The following ANKRD52 variants were observed in gnomAD, a reference collection of about 807,000 sequenced individuals.
ANKRD52 encodes serine/threonine-protein phosphatase 6 regulatory ankyrin repeat subunit C.
A neutral mutation model predicts 116.0 loss-of-function variants in ANKRD52; 7 were observed. That is an observed-to-expected ratio of 0.06 (90% CI 0.03 to 0.11). ANKRD52 has a LOEUF of 0.11. Among genes scored for constraint, ANKRD52 ranks in the 10% least tolerant of loss-of-function variants. The pLI, the probability that ANKRD52 is intolerant of heterozygous loss-of-function variation, is 1.00. For synonymous variants in ANKRD52, 528 were observed against 578.1 expected (o/e 0.91, Z 1.24); for missense variants, 839 against 1,408.6 (o/e 0.60, Z 6.47).
chr12:56,253,176 T>A lies in ANKRD52; in HGVS notation c.1101-90A>T. ...ACCTACCACCACCCTAGAGTCAGGG[T>A]AGGAGGTTCTCCAAGGTGCCCTTTG... is the stretch of plus-strand genomic sequence containing the variant. On this transcript the variant is annotated intron_variant, in intron 10 of 27. Coordinates refer to ENST00000267116, the MANE Select transcript of ANKRD52 (RefSeq NM_173595.4). The surrounding 1 kb of genome is among the most constrained non-coding windows in gnomAD (Gnocchi z 5.5). 6.9e-7 allele frequency: 1 copy of A among 1,447,834 alleles called. No homozygotes were observed. Among genetic ancestry groups the A allele is most frequent in the African/African-American group, 1.4e-5 (1 of 71,510 alleles). The allele number at this position is 1,447,834 out of a possible 1,614,324, so 89.7% of individuals were successfully genotyped here.
intron 2 of ANKRD52, among the ~76,000 whole-genome samples, chr12:56,257,586 G>C (rs1474612068): frequency 6.6e-6 from 1 of 152,134 alleles, no homozygotes; most frequent in Admixed American, 6.5e-5. Flanking sequence ...GGGTGGGGGC[G>C]CTGCAGACTC....
At chr12:56,256,290 C>T (rs1481518573) in intron 4 of ANKRD52, among the ~76,000 whole-genome samples, 2 of 149,474 alleles carry the variant, frequency 1.3e-5, no homozygotes, top group Non-Finnish European at 3.0e-5. Flanking sequence ...AACAAATCCA[C>T]ATGTGGAGAT....
In ANKRD52 at chr12:56,243,911, A is replaced by C. The variant is rs531447256; in HGVS notation, c.2889-35T>G. The C allele has an allele frequency of 6.3e-7, 1 of 1,588,202 alleles. No individual in the cohort carries two copies. The highest frequency in any genetic ancestry group is 8.6e-7 in the Non-Finnish European group (1 of 1,166,746). ...AAGGAAAAAGAAGGAGCTTGATGCT[A>C]AGCTGCCCTTCCACCTCCAGACAGG... On this transcript the variant is annotated intron_variant, in intron 26 of 27. Coordinates refer to ENST00000267116, the MANE Select transcript of ANKRD52 (RefSeq NM_173595.4). This position sits in a 1 kb window ranked among gnomAD's most constrained non-coding sequence, Gnocchi z 4.6.
In ANKRD52 at chr12:56,243,898, G is replaced by A; in HGVS notation, c.2889-22C>T. The A allele has an allele frequency of 1.3e-6, 2 of 1,576,478 alleles. No homozygotes were observed. The highest frequency in any genetic ancestry group is 1.7e-6 in the Non-Finnish European group (2 of 1,160,682). On this transcript the variant is annotated intron_variant, in intron 26 of 27. Coordinates refer to ENST00000267116, the MANE Select transcript of ANKRD52 (RefSeq NM_173595.4). The surrounding 1 kb of genome is among the most constrained non-coding windows in gnomAD (Gnocchi z 4.6). Reference sequence around the variant, plus strand: ...TGGCCTTGGAAAAAAGGAAAAAGAAGGAGCTTGATGCTAAGCTGCCCTTCC... The same window carrying A: ...TGGCCTTGGAAAAAAGGAAAAAGAAAGAGCTTGATGCTAAGCTGCCCTTCC...
rs1014789799 is a variant in ANKRD52 at position 56,253,305 on chromosome 12, A to G, written c.1083T>C (p.Asn361=). Residue 361 remains asparagine (N), a synonymous_variant, in exon 10 of 28, where the codon AAT becomes AAC. Coordinates refer to ENST00000267116, the MANE Select transcript of ANKRD52 (RefSeq NM_173595.4). The surrounding 1 kb of genome is among the most constrained non-coding windows in gnomAD (Gnocchi z 5.5). ...HELLISTLMT[N]GADTARRGIH... is the part of the protein sequence containing the mutation. ...TGACTCACCGGGCGGTATCTGCGCC[A>G]TTGGTCATGAGGGTGCTGATGAGCA... 1.2e-6 allele frequency: 2 copies of G among 1,613,760 alleles called. No homozygotes were observed. The highest frequency in any genetic ancestry group is 1.7e-4 in the Middle Eastern group (1 of 5,964).
Position 56,248,337 on chromosome 12 carries a change from C to G in ANKRD52, c.1777-113G>C. The G allele has an allele frequency of 6.9e-7, 1 of 1,445,128 alleles. No individual in the cohort carries two copies. The highest frequency in any genetic ancestry group is 2.3e-5 in the East Asian group (1 of 43,670). The allele number at this position is 1,445,128 out of a possible 1,614,324, so 89.5% of individuals were successfully genotyped here. A position where few individuals can be genotyped will look rare whatever the true frequency, so the allele number is the denominator to read the frequency against. Reference sequence around the variant, plus strand: ...GCTCAAGGTCTTAGTCCTTGACAAGCTCCTTGGGCCCCTTAAGGCTTCCTA... The same window carrying G: ...GCTCAAGGTCTTAGTCCTTGACAAGGTCCTTGGGCCCCTTAAGGCTTCCTA... On this transcript the variant is annotated intron_variant, in intron 17 of 27. Transcript: ENST00000267116. The surrounding 1 kb of genome is among the most constrained non-coding windows in gnomAD (Gnocchi z 5.1).
Position 56,252,707 on chromosome 12 carries a change from CA to C in ANKRD52, c.1301+72del. 9.6e-6 allele frequency: 15 copies of C among 1,555,802 alleles called. No homozygotes were observed. The highest frequency in any genetic ancestry group is 1.2e-5 in the Non-Finnish European group (14 of 1,130,860). Reference sequence around the variant, plus strand: ...TTGTGAGAGGGGGAATAGATCTGGGCAGGCAAGAATGAGGGGCCCAGACCTT... The same window carrying C: ...TTGTGAGAGGGGGAATAGATCTGGGCGGCAAGAATGAGGGGCCCAGACCTT... On this transcript the variant is annotated intron_variant, in intron 12 of 27. Transcript: ENST00000267116. This position sits in a 1 kb window ranked among gnomAD's most constrained non-coding sequence, Gnocchi z 4.7.
chr12:56,253,902 G>A lies in ANKRD52; in HGVS notation c.907-102C>T, dbSNP rs191393860. 190 of 1,397,294 alleles carry A rather than the reference G, an allele frequency of 1.4e-4. No individual in the cohort carries two copies. Among genetic ancestry groups the A allele is most frequent in the Non-Finnish European group, 1.8e-4 (183 of 998,910 alleles). 86.6% of individuals were successfully genotyped at this position (1,397,294 alleles called of 1,614,324 possible). A position where few individuals can be genotyped will look rare whatever the true frequency, so the allele number is the denominator to read the frequency against. ...AAGGACATATCTCTAAGGACAAAAGGGTCATATGGCACCTTCTTAGCCCAC... is the reference window on the plus strand; with the variant it reads ...AAGGACATATCTCTAAGGACAAAAGAGTCATATGGCACCTTCTTAGCCCAC... On this transcript the variant is annotated intron_variant, in intron 8 of 27. Transcript: ENST00000267116. The surrounding 1 kb of genome is among the most constrained non-coding windows in gnomAD (Gnocchi z 5.5).
At position 56,244,486 on chromosome 12, in the gene ANKRD52, C is replaced by T. The variant is rs1871304856; in HGVS notation, c.2723-51G>A. 1 of 1,603,502 alleles carries T rather than the reference C, an allele frequency of 6.2e-7. No individual in the cohort carries two copies. On this transcript the variant is annotated intron_variant, in intron 24 of 27. Transcript: ENST00000267116. The surrounding 1 kb of genome is among the most constrained non-coding windows in gnomAD (Gnocchi z 4.9). ...CTGACCCCTCCCTCCAGAGCAGTAG[C>T]CATCCTGGCTCTCCACTTTGCATCC...
chr12:56,255,992 G>A lies in ANKRD52; in HGVS notation c.262-8C>T. The A allele has an allele frequency of 6.4e-7, 1 of 1,557,382 alleles. No homozygotes were observed. Among genetic ancestry groups the A allele is most frequent in the South Asian group, 1.2e-5 (1 of 85,030 alleles). The stretch of plus-strand genomic sequence containing the variant: ...CAGCAGCCCCAGCACCTTCTGTTGA[G>A]GGGCAGGGGACAAAAGAGAGAGTGG... On this transcript the variant is annotated splice_region_variant and splice_polypyrimidine_tract_variant and intron_variant, in intron 4 of 27. Coordinates refer to ENST00000267116, the MANE Select transcript of ANKRD52 (RefSeq NM_173595.4). This position sits in a 1 kb window ranked among gnomAD's most constrained non-coding sequence, Gnocchi z 4.3.
In ANKRD52 at chr12:56,244,718, C is replaced by T. The variant is rs766786981; in HGVS notation, c.2656G>A (p.Ala886Thr). 1.2e-5 allele frequency: 20 copies of T among 1,613,900 alleles called. No individual in the cohort carries two copies. The highest frequency in any genetic ancestry group is 2.2e-5 in the East Asian group (1 of 44,886). Residue 886 changes from alanine (A) to threonine (T), a missense_variant, in exon 24 of 28, where the codon GCC becomes ACC. Coordinates refer to ENST00000267116, the MANE Select transcript of ANKRD52 (RefSeq NM_173595.4). The surrounding 1 kb of genome is among the most constrained non-coding windows in gnomAD (Gnocchi z 4.9). ...GCAGTGCGGCCAGTGTGGTCAGTGG[C>T]GTTCACCTCAGCTTGATGCTGCAGC... ...MLLQHQAEVN[A>T]TDHTGRTALM...
chr12:56,244,565 G>C lies in ANKRD52; in HGVS notation c.2722+87C>G, dbSNP rs1358481317. The C allele has an allele frequency of 1.9e-6, 3 of 1,601,268 alleles. No individual in the cohort carries two copies. The highest frequency in any genetic ancestry group is 2.6e-6 in the Non-Finnish European group (3 of 1,173,180). Reference sequence around the variant, plus strand: ...CAACCCTCTTGCTTTCTGAACCCCAGCCCCAGCCAGCCTCCACAGGCAGGG... The same window carrying C: ...CAACCCTCTTGCTTTCTGAACCCCACCCCCAGCCAGCCTCCACAGGCAGGG... On this transcript the variant is annotated intron_variant, in intron 24 of 27. Transcript: ENST00000267116. The surrounding 1 kb of genome is among the most constrained non-coding windows in gnomAD (Gnocchi z 4.9).
Position 56,254,300 on chromosome 12 carries a change from G to A in ANKRD52, c.694-21C>T. On this transcript the variant is annotated intron_variant, in intron 7 of 27. Transcript: ENST00000267116. This position sits in a 1 kb window ranked among gnomAD's most constrained non-coding sequence, Gnocchi z 4.6. The stretch of plus-strand genomic sequence containing the variant: ...TCGATCTGGATATTCAGGGGTGAGA[G>A]TAAGGTGGTATCAGTTTAAACAAAG... The A allele has an allele frequency of 1.2e-6, 2 of 1,608,490 alleles. No individual in the cohort carries two copies. The highest frequency in any genetic ancestry group is 1.1e-5 in the South Asian group (1 of 90,850).
Position 56,255,011 on chromosome 12 carries a change from A to C in ANKRD52, c.463-59T>G. The C allele has an allele frequency of 1.3e-6, 2 of 1,545,574 alleles. No homozygotes were observed. The highest frequency in any genetic ancestry group is 1.8e-6 in the Non-Finnish European group (2 of 1,120,806). On this transcript the variant is annotated intron_variant, in intron 5 of 27. Transcript: ENST00000267116. This position sits in a 1 kb window ranked among gnomAD's most constrained non-coding sequence, Gnocchi z 4.3. ...CTAGATTCGTGCCCTCAACCTACCT[A>C]AGAGCAGAGGCCTCATCTCCTGAAA...
Position 56,252,066 on chromosome 12 carries a change from T to C in ANKRD52, c.1541A>G (p.Asp514Gly). 1 of 1,613,894 alleles carries C rather than the reference T, an allele frequency of 6.2e-7. No homozygotes were observed. ...CTTCAGTGGCTCGTCCTCTTCGGCATCATGGCTGGAAGGTGTATGGGGTTC... is the reference window on the plus strand; with the variant it reads ...CTTCAGTGGCTCGTCCTCTTCGGCACCATGGCTGGAAGGTGTATGGGGTTC... Reference protein sequence around the residue: ...RAEPHTPSSHDAEEDEPLKES... With the variant: ...RAEPHTPSSHGAEEDEPLKES... The change falls in exon 15 of 28, where the codon GAT (aspartate) becomes GGT (glycine). Residue 514 changes from aspartate (D) to glycine (G), a missense_variant. Asp to Gly is a moderately conservative substitution (Grantham distance 94). Coordinates refer to ENST00000267116, the MANE Select transcript of ANKRD52 (RefSeq NM_173595.4). This position sits in a 1 kb window ranked among gnomAD's most constrained non-coding sequence, Gnocchi z 4.7.
rs746391175 is a variant in ANKRD52, at chr12:56,248,528, C to T, written c.1743G>A (p.Glu581=). The change falls in exon 17 of 28, where the codon GAG becomes GAA. Residue 581 remains glutamate (E), a synonymous_variant. Coordinates refer to ENST00000267116, the MANE Select transcript of ANKRD52 (RefSeq NM_173595.4). The surrounding 1 kb of genome is among the most constrained non-coding windows in gnomAD (Gnocchi z 5.1). The part of the protein sequence containing the change: ...EMSFNCLEDV[E]STIPVSPLHL... ...GCAAAGGGCTGACTGGAATGGTGCT[C>T]TCCACATCCTCCAGGCAGTTAAAGG... 10 of 1,597,248 alleles carry T rather than the reference C, an allele frequency of 6.3e-6. No homozygotes were observed. The South Asian group carries it at 1.1e-4, about 18-fold the overall frequency.
chr12:56,257,258 A>G (rs1472378033), intron 3 of ANKRD52, 25 bp downstream of exon 3: 4 of 1,577,280 alleles, frequency 2.5e-6, no homozygotes, highest in Admixed American at 3.7e-5. Context: ...CCTATGTGCC[A>G]CACCTTCCAG....
rs577471989 is a variant in ANKRD52, at chr12:56,242,948, C to T, written c.*194G>A. 8.9e-6 allele frequency: 7 copies of T among 788,416 alleles called. No individual in the cohort carries two copies. The South Asian group carries it at 1.5e-4, about 17-fold the overall frequency. 48.8% of individuals were successfully genotyped at this position (788,416 alleles called of 1,614,324 possible). A position where few individuals can be genotyped will look rare whatever the true frequency, so the allele number is the denominator to read the frequency against. Reference sequence around the variant, plus strand: ...GGGGTACCAAGGGCCTGGGGTGCTCCCTGTCAGTCCCAGACCCCTGCCAGG... The same window carrying T: ...GGGGTACCAAGGGCCTGGGGTGCTCTCTGTCAGTCCCAGACCCCTGCCAGG... On this transcript the variant is annotated 3_prime_UTR_variant, in exon 28 of 28. Transcript: ENST00000267116. The surrounding 1 kb of genome is among the most constrained non-coding windows in gnomAD (Gnocchi z 4.3).
Position 56,244,933 on chromosome 12 carries a change from A to G in ANKRD52, c.2549T>C (p.Ile850Thr). The change falls in exon 23 of 28, where the codon ATT becomes ACT. Residue 850 changes from isoleucine (I) to threonine (T), a missense_variant. Transcript: ENST00000267116. The surrounding 1 kb of genome is among the most constrained non-coding windows in gnomAD (Gnocchi z 4.9). The stretch of plus-strand genomic sequence containing the variant: ...TCCTTTGGCATCTCGGCTGTTCACA[A>G]TCTTGGCACCCAGAGCTCCCAGTAG... Reference protein sequence around the residue: ...EMLLGALGAKIVNSRDAKGRT... With the variant: ...EMLLGALGAKTVNSRDAKGRT... 2 of 1,613,894 alleles carry G rather than the reference A, an allele frequency of 1.2e-6. No individual in the cohort carries two copies. The highest frequency in any genetic ancestry group is 1.7e-6 in the Non-Finnish European group (2 of 1,179,856).
Sources: allele counts gnomAD v4.1 joint callset (sites outside exome capture counted in the v4.1 genomes callset), GRCh38; gene constraint gnomAD v4.1.1; non-coding constraint Gnocchi (gnomAD v3.1); transcripts MANE v1.5; gene names NCBI Gene and HGNC (gene_info 2026-07-23, HGNC 2026-07-21).